DENND4C: variants seen among roughly 807,000 people sequenced by gnomAD.
DENND4C encodes the protein DENN domain-containing protein 4C.
In DENND4C, 108 loss-of-function variants were observed where a neutral mutation model predicts 203.0. That is an observed-to-expected ratio of 0.53 (90% confidence interval 0.46 to 0.62). The LOEUF (loss-of-function observed/expected upper bound fraction) is 0.62. Ranked by LOEUF, DENND4C falls within the 20% of genes least tolerant of loss-of-function variation. The pLI is 0.00. For synonymous variants in DENND4C, 871 were observed against 792.4 expected (o/e 1.10, Z -1.67); for missense variants, 2,481 against 2,301.2 (o/e 1.08, Z -1.60).
At chr9:19,275,450 C>T (rs1023174573) in intron 1 of DENND4C, among the ~76,000 whole-genome samples, 9 of 151,434 alleles carry the variant, frequency 5.9e-5, no homozygotes, top group African/African-American at 1.5e-4. Context: ...CACACCACCA[C>T]GCCTGGCTAA....
chr9:19,274,586 T>C (rs1832480738), intron 1 of DENND4C, among the ~76,000 whole-genome samples: 2 of 152,122 alleles, frequency 1.3e-5, no homozygotes, highest in African/African-American at 4.8e-5. Context: ...TGAGCCACCG[T>C]GCCCGGCCTG....
intron 12 of DENND4C, among the ~76,000 whole-genome samples, chr9:19,319,352 T>A (rs201872047): frequency 0.015 from 2,025 of 135,922 alleles, 79 homozygotes; most frequent in African/African-American, 0.054. Context: ...ATATATATAC[T>A]TATATATACA....
At chr9:19,341,311 C>CTTTTT (rs5896841) in intron 21 of DENND4C, among the ~76,000 whole-genome samples, 197 bp downstream of exon 21, 13 of 120,174 alleles carry the variant, frequency 1.1e-4, no homozygotes, top group South Asian at 2.6e-4. Context: ...TTCTTTCTTT[C>CTTTTT]TTTTTTTTTT....
chr9:19,349,338 G>A (rs1472367783), intron 23 of DENND4C, among the ~76,000 whole-genome samples: 1 of 151,822 alleles, frequency 6.6e-6, no homozygotes, highest in Non-Finnish European at 1.5e-5. Flanking sequence ...AGCCCAGGAG[G>A]CAGAGGTCGC....
intron 4 of DENND4C, 66 bp from the exon 5 acceptor site, chr9:19,290,638 C>T (rs533355886): frequency 2.6e-5 from 29 of 1,114,642 alleles, no homozygotes; most frequent in Non-Finnish European, 3.2e-5. Context: ...CCATTAATAC[C>T]TATCATATGC....
rs1303859438 is a variant in DENND4C at position 19,271,864 on chromosome 9, T to C, written c.-17-4294T>C. Among the ~76,000 whole-genome samples the C allele has an allele frequency of 1.5e-4, 21 of 142,700 alleles. 2 individuals carry two copies. The highest frequency in any genetic ancestry group is 4.9e-4 in the Admixed American group (7 of 14,328). The allele number at this position is 142,700 out of a possible 152,430, so 93.6% of individuals were successfully genotyped here. A position where few individuals can be genotyped will look rare whatever the true frequency, so the allele number is the denominator to read the frequency against. ...AGCCTGGGCAAAAAGAGTGAAACTCTGTCTCAAAAAAAAAAAAAAAAAGAG... is the reference window on the plus strand; with the variant it reads ...AGCCTGGGCAAAAAGAGTGAAACTCCGTCTCAAAAAAAAAAAAAAAAAGAG... On this transcript the variant is annotated intron_variant, in intron 1 of 32. Coordinates refer to ENST00000434457, the MANE Select transcript of DENND4C (RefSeq NM_001330640.2).
chr9:19,318,266 C>A, intron 12 of DENND4C, among the ~76,000 whole-genome samples: 1 of 151,890 alleles, frequency 6.6e-6, no homozygotes, highest in East Asian at 1.9e-4. Context: ...TTGCAGAGAG[C>A]CAAGATCATG....
At chr9:19,252,869 A>G (rs979554336) in intron 1 of DENND4C, among the ~76,000 whole-genome samples, 74 of 151,972 alleles carry the variant, frequency 4.9e-4, no homozygotes, top group African/African-American at 1.8e-3. Context: ...CCAAGTATCT[A>G]GGACCACAGG....
intron 9 of DENND4C, among the ~76,000 whole-genome samples, chr9:19,304,125 A>AT (rs1839167553): frequency 9.6e-6 from 1 of 103,772 alleles, no homozygotes; most frequent in Middle Eastern, 4.2e-3. Context: ...TTCTTGAGGA[A>AT]TGTTTTTTTC....
chr9:19,299,101 TATTAA>T (rs1838035820), intron 7 of DENND4C, 123 bp from the exon 8 acceptor site: 6 of 637,542 alleles, frequency 9.4e-6, no homozygotes, highest in African/African-American at 3.9e-5. Flanking sequence ...TGTGTTTGCA[TATTAA>T]ATTATTAATG....
chr9:19,232,159 G>A lies in DENND4C; in HGVS notation c.-18+1326G>A, dbSNP rs542540452. Among the ~76,000 whole-genome samples the A allele has an allele frequency of 1.4e-4, 21 of 152,260 alleles. No homozygotes were observed. The South Asian group carries it at 3.9e-3, about 29-fold the overall frequency. On this transcript the variant is annotated intron_variant, in intron 1 of 32. Transcript: ENST00000434457. ...TCCTGTTCTTTGTATTACTGTTAAA[G>A]AGTTGGTAAACTGCCGTCTTGCTGT...
At chr9:19,326,216 G>C in intron 15 of DENND4C, 22 bp downstream of exon 15, 1 of 1,592,026 alleles carries the variant, frequency 6.3e-7, no homozygotes, top group Non-Finnish European at 8.5e-7. Context: ...TTTTAAAAGA[G>C]CTTAATGGCA....
chr9:19,297,587 G>T (rs1837721070), intron 6 of DENND4C, among the ~76,000 whole-genome samples: 1 of 151,960 alleles, frequency 6.6e-6, no homozygotes, highest in Admixed American at 6.6e-5. Context: ...CGTTTTTATG[G>T]CTCCTAAGAG....
intron 4 of DENND4C, among the ~76,000 whole-genome samples, chr9:19,290,426 G>A (rs1450826619): frequency 2.6e-5 from 4 of 152,156 alleles, no homozygotes; most frequent in African/African-American, 9.7e-5. Flanking sequence ...ATGTGTAGAA[G>A]AAAATACATT....
At chr9:19,323,404 TG>T (rs1376191892) in intron 12 of DENND4C, among the ~76,000 whole-genome samples, 1 of 148,166 alleles carries the variant, frequency 6.7e-6, no homozygotes, top group Non-Finnish European at 1.5e-5. Context: ...CACTCCAGCC[TG>T]GGCGACAGAG....
intron 12 of DENND4C, among the ~76,000 whole-genome samples, chr9:19,319,673 T>C (rs1019745004): frequency 5.3e-5 from 8 of 151,878 alleles, no homozygotes; most frequent in Admixed American, 3.9e-4. Flanking sequence ...GAAAAGATAC[T>C]TACTCAGTTT....
chr9:19,352,009 C>A, intron 24 of DENND4C, 64 bp from the exon 25 acceptor site: 1 of 1,342,702 alleles, frequency 7.4e-7, no homozygotes, highest in Non-Finnish European at 1.1e-6. Flanking sequence ...AATACTTTGG[C>A]ATGCATTTTC....
At chr9:19,248,754 C>G (rs931983446) in intron 1 of DENND4C, among the ~76,000 whole-genome samples, 1 of 151,856 alleles carries the variant, frequency 6.6e-6, no homozygotes, top group African/African-American at 2.4e-5. Context: ...TAGGCCCCTC[C>G]CTTCCACTTT....
chr9:19,300,190 A>C lies in DENND4C; in HGVS notation c.1170A>C (p.Gly390=), dbSNP rs1838276006. 6.3e-7 allele frequency: 1 copy of C among 1,592,378 alleles called. No individual in the cohort carries two copies. Among genetic ancestry groups the C allele is most frequent in the Admixed American group, 1.7e-5 (1 of 59,008 alleles). Reference sequence around the variant, plus strand: ...CTTTTCTCTTTTTTTTCCCTAGTGGAGCCAACTTTAGCACCTTGCTAATGA... The same window carrying C: ...CTTTTCTCTTTTTTTTCCCTAGTGGCGCCAACTTTAGCACCTTGCTAATGA... ...QPVSTPLPLS[G]ANFSTLLMNL... The change falls in exon 9 of 33, where the codon GGA becomes GGC. Residue 390 remains glycine (G), a synonymous_variant. Coordinates refer to ENST00000434457, the MANE Select transcript of DENND4C (RefSeq NM_001330640.2).
Sources: gnomAD v4.1 joint callset for allele counts (sites outside exome capture counted in the v4.1 genomes callset) on GRCh38, gnomAD v4.1.1 for gene constraint, MANE v1.5 for transcripts, NCBI Gene and HGNC (gene_info 2026-07-23, HGNC 2026-07-21) for gene names.